TFCP2L1: variants seen among roughly 807,000 people sequenced by gnomAD.
The protein encoded by TFCP2L1 is transcription factor CP2-like protein 1.
In TFCP2L1, 12 loss-of-function variants were observed where a neutral mutation model predicts 72.2. The ratio of observed to expected loss-of-function variants is 0.17; its 90% CI spans 0.11 to 0.27. TFCP2L1 has a LOEUF of 0.27. TFCP2L1 is among the 10% of genes least tolerant of loss of function. TFCP2L1 has a pLI of 1.00. For missense variants in TFCP2L1, 488 were observed against 624.6 expected (o/e 0.78, Z 2.33); for synonymous variants, 260 against 251.0 (o/e 1.04, Z -0.34).
At chr2:121,227,974 C>T (rs1018968840) in intron 13 of TFCP2L1, among the ~76,000 whole-genome samples, 4 of 152,236 alleles carry the variant, frequency 2.6e-5, no homozygotes, top group African/African-American at 9.6e-5. Context: ...CGAAGCCCTA[C>T]GCAGAGCCCA....
chr2:121,225,661 T>G (rs372202891), intron 13 of TFCP2L1, 48 bp from the exon 14 acceptor site: 1 of 1,608,368 alleles, frequency 6.2e-7, no homozygotes, highest in Non-Finnish European at 8.5e-7. Context: ...GAGTTCATCA[T>G]TTGGAAAGCC....
At chr2:121,265,749 G>A (rs1686917720) in intron 2 of TFCP2L1, among the ~76,000 whole-genome samples, 1 of 152,126 alleles carries the variant, frequency 6.6e-6, no homozygotes, top group South Asian at 2.1e-4. Context: ...CTCCCAAAGT[G>A]CTAGGATTAC....
rs370644967 is a variant in TFCP2L1, at chr2:121,281,262, G to A, written c.72C>T (p.Leu24=). Reference sequence around the variant, plus strand: ...CCTCCTGCTTGAAGATGGGCAGAGCGAGCACATCACTGCAACACACGGGAA... The same window carrying A: ...CCTCCTGCTTGAAGATGGGCAGAGCAAGCACATCACTGCAACACACGGGAA... ...HNSGSYLRDV[L]ALPIFKQEEP... The change falls in exon 2 of 15, where the codon CTC becomes CTT. Residue 24 remains leucine, a synonymous_variant. Transcript: ENST00000263707. The A allele has an allele frequency of 1.0e-5, 16 of 1,604,544 alleles. No individual in the cohort carries two copies. The highest frequency in any genetic ancestry group is 1.3e-5 in the African/African-American group (1 of 74,536).
chr2:121,231,716 T>C, intron 13 of TFCP2L1, 110 bp downstream of exon 13: 4 of 1,475,156 alleles, frequency 2.7e-6, no homozygotes, highest in Non-Finnish European at 2.7e-6. Context: ...GGTGTGCAGA[T>C]GAACCTGTCT....
intron 2 of TFCP2L1, among the ~76,000 whole-genome samples, chr2:121,270,401 A>C (rs1687022446): frequency 6.6e-6 from 1 of 152,230 alleles, no homozygotes; most frequent in Non-Finnish European, 1.5e-5. Context: ...AAACTGGCAC[A>C]ACTTCACTGG....
intron 12 of TFCP2L1, among the ~76,000 whole-genome samples, 173 bp downstream of exon 12, chr2:121,233,918 A>C (rs1686193238): frequency 6.6e-6 from 1 of 152,232 alleles, no homozygotes; most frequent in African/African-American, 2.4e-5. Context: ...ACGAGGTCAG[A>C]CCATGCACCA....
At chr2:121,236,711 G>A (rs989115561) in intron 10 of TFCP2L1, among the ~76,000 whole-genome samples, 7 of 150,252 alleles carry the variant, frequency 4.7e-5, no homozygotes, top group Admixed American at 3.3e-4. Flanking sequence ...TCTCCTCCCC[G>A]GGCCACTCCA....
chr2:121,232,041 G>C (rs1192044522), intron 12 of TFCP2L1, 73 bp from the exon 13 acceptor site: 3 of 1,501,042 alleles, frequency 2.0e-6, no homozygotes, highest in Non-Finnish European at 2.7e-6. Flanking sequence ...CCCGCCCTGA[G>C]AAAGCAGTAA....
intron 13 of TFCP2L1, among the ~76,000 whole-genome samples, chr2:121,231,117 A>C (rs1472950299): frequency 6.6e-6 from 1 of 152,090 alleles, no homozygotes; most frequent in Non-Finnish European, 1.5e-5. Flanking sequence ...GATAATAATA[A>C]CACCCACATC....
chr2:121,257,778 T>C (rs974938212), intron 2 of TFCP2L1, among the ~76,000 whole-genome samples: 1 of 152,216 alleles, frequency 6.6e-6, no homozygotes, highest in Non-Finnish European at 1.5e-5. Context: ...ATTCAAACAC[T>C]GAACTTGGAA....
At chr2:121,249,457 C>T in intron 3 of TFCP2L1, 114 bp downstream of exon 3, 3 of 945,546 alleles carry the variant, frequency 3.2e-6, no homozygotes, top group East Asian at 2.4e-5. Flanking sequence ...CTGAGCTGAA[C>T]CCGGCCTCTC....
intron 2 of TFCP2L1, among the ~76,000 whole-genome samples, chr2:121,269,907 T>TCAAAAAAAAAAAAAAAAAAAAAAAA (rs750107740): frequency 1.3e-5 from 1 of 77,580 alleles, no homozygotes; most frequent in African/African-American, 6.7e-5. Context: ...AGACTCCATC[T>TCAAAAAAAAAAAAAAAAAAAAAAAA]AAAAAAAAAA....
chr2:121,269,617 A>G (rs540898780), intron 2 of TFCP2L1, among the ~76,000 whole-genome samples: 3 of 151,894 alleles, frequency 2.0e-5, no homozygotes, highest in African/African-American at 7.2e-5. Context: ...AAACAGCAAA[A>G]ATTATGTAAA....
chr2:121,217,192 A>G lies in TFCP2L1; in HGVS notation c.*7149T>C, dbSNP rs774279358. 1 of 152,286 alleles carries G rather than the reference A, an allele frequency of 6.6e-6. No homozygotes were observed. Among genetic ancestry groups the G allele is most frequent in the Non-Finnish European group, 1.5e-5 (1 of 68,076 alleles). 9.4% of individuals were successfully genotyped at this position (152,286 alleles called of 1,614,324 possible). ...TGGCCCCCATCTAACCTCCCAGTTG[A>G]CTTCCTGAAAACTGGGCTAGTGGGG... On this transcript the variant is annotated 3_prime_UTR_variant, in exon 15 of 15. Transcript: ENST00000263707.
Position 121,231,874 on chromosome 2 carries a change from T to A in TFCP2L1, c.1293A>T (p.Arg431=). 1.9e-6 allele frequency: 3 copies of A among 1,613,406 alleles called. No homozygotes were observed. Among genetic ancestry groups the A allele is most frequent in the Non-Finnish European group, 2.5e-6 (3 of 1,179,690 alleles). Reference sequence around the variant, plus strand: ...TGCCCGTGGGGCCCTGCCGGTAGACTCGGTGGATGTGCTGGGGGGAGATGC... The same window carrying A: ...TGCCCGTGGGGCCCTGCCGGTAGACACGGTGGATGTGCTGGGGGGAGATGC... ...LYSISPQHIH[R]VYRQGPTGIH... is the part of the protein sequence containing the mutation. Residue 431 remains arginine, a synonymous_variant, in exon 13 of 15, where the codon CGA becomes CGT. Coordinates refer to ENST00000263707, the MANE Select transcript of TFCP2L1 (RefSeq NM_014553.3).
At chr2:121,251,596 C>T (rs193276538) in intron 2 of TFCP2L1, among the ~76,000 whole-genome samples, 1 of 152,290 alleles carries the variant, frequency 6.6e-6, no homozygotes, top group Admixed American at 6.5e-5. Flanking sequence ...GGAATAACTT[C>T]AAGAGATCTA....
intron 13 of TFCP2L1, among the ~76,000 whole-genome samples, chr2:121,228,687 G>C (rs1306516095): frequency 6.9e-6 from 1 of 144,320 alleles, no homozygotes; most frequent in Admixed American, 7.3e-5. Flanking sequence ...GATCCCCTGA[G>C]CCCAGGAGGT....
intron 2 of TFCP2L1, among the ~76,000 whole-genome samples, chr2:121,266,254 C>A (rs1487870918): frequency 6.6e-6 from 1 of 151,750 alleles, no homozygotes; most frequent in Non-Finnish European, 1.5e-5. Context: ...CAAAGTGAGT[C>A]TTCCCATCTC....
chr2:121,273,015 A>G (rs919310800), intron 2 of TFCP2L1, among the ~76,000 whole-genome samples: 4 of 152,160 alleles, frequency 2.6e-5, no homozygotes, highest in Non-Finnish European at 5.9e-5. Flanking sequence ...TGGGATAGAC[A>G]GTGTGTTCAG....
Sources: gnomAD v4.1 joint callset for allele counts (sites outside exome capture counted in the v4.1 genomes callset) on GRCh38, gnomAD v4.1.1 for gene constraint, MANE v1.5 for transcripts, NCBI Gene and HGNC (gene_info 2026-07-23, HGNC 2026-07-21) for gene names.